Variants in TBC1D9B observed in about 807,000 individuals in gnomAD.
TBC1D9B encodes TBC1 domain family member 9B, also known as TBC1 domain family, member 9B (with GRAM domain).
Under a neutral mutation model 121.1 loss-of-function variants are expected in TBC1D9B, and 87 were observed. The ratio of observed to expected loss-of-function variants is 0.72; its 90% CI spans 0.60 to 0.86. The LOEUF is 0.86. Ranked by LOEUF, TBC1D9B falls within the 40% of genes least tolerant of loss-of-function variation. The pLI is 0.00. For synonymous variants in TBC1D9B, 668 were observed against 670.1 expected (o/e 1.00, Z 0.05); for missense variants, 1,540 against 1,628.6 (o/e 0.95, Z 0.94).
intron 10 of TBC1D9B, among the ~76,000 whole-genome samples, chr5:179,877,070 CAAA>C (rs58537646): frequency 8.8e-5 from 3 of 34,126 alleles, no homozygotes; most frequent in East Asian, 1.0e-3. Context: ...GATCCTGTCT[CAAA>C]AAAAAAAAAA....
At position 179,891,181 on chromosome 5, in the gene TBC1D9B, G is replaced by C. The variant is rs537783432; in HGVS notation, c.1044+198C>G. ...ACCATGTTACCTGCCTCCCCAACAGGGCAGGTGCCTGTGGAGGGGCTCACT... is the reference window on the plus strand; with the variant it reads ...ACCATGTTACCTGCCTCCCCAACAGCGCAGGTGCCTGTGGAGGGGCTCACT... On this transcript the variant is annotated intron_variant, in intron 6 of 20. Coordinates refer to ENST00000355235, the MANE Select transcript of TBC1D9B (RefSeq NM_015043.4). This position sits in a 1 kb window ranked among gnomAD's most constrained non-coding sequence, Gnocchi z 4.3. Among the ~76,000 whole-genome samples the C allele has an allele frequency of 6.6e-6, 1 of 152,322 alleles. No individual in the cohort carries two copies. The highest frequency in any genetic ancestry group is 2.4e-5 in the African/African-American group (1 of 41,572).
intron 16 of TBC1D9B, 55 bp from the exon 17 acceptor site, chr5:179,869,889 C>T (rs1760137906): frequency 4.7e-6 from 7 of 1,489,324 alleles, no homozygotes; most frequent in Non-Finnish European, 6.3e-6. Context: ...AGAGCCCCTT[C>T]CAGGGGGTCC....
intron 2 of TBC1D9B, 60 bp from the exon 3 acceptor site, chr5:179,899,367 A>G: frequency 6.9e-7 from 1 of 1,441,230 alleles, no homozygotes. Flanking sequence ...TTAAACGCAC[A>G]TTCAAAGAAG....
At position 179,875,203 on chromosome 5, in the gene TBC1D9B, G is replaced by C. The variant is rs546249216; in HGVS notation, c.1901-16C>G. The C allele has an allele frequency of 6.8e-6, 11 of 1,609,686 alleles. No homozygotes were observed. Among genetic ancestry groups the C allele is most frequent in the Admixed American group, 1.7e-5 (1 of 59,952 alleles). On this transcript the variant is annotated splice_polypyrimidine_tract_variant and intron_variant, in intron 11 of 20. Coordinates refer to ENST00000355235, the MANE Select transcript of TBC1D9B (RefSeq NM_015043.4). This position sits in a 1 kb window ranked among gnomAD's most constrained non-coding sequence, Gnocchi z 4.5. ...ACCAGGGCTCCTGCGGGCAGGATGA[G>C]CGAGGCTGATGGTGAGCCCACCCTG...
intron 7 of TBC1D9B, among the ~76,000 whole-genome samples, chr5:179,886,764 T>G (rs1009893988): frequency 6.6e-5 from 10 of 152,240 alleles, no homozygotes; most frequent in Admixed American, 5.9e-4. Context: ...GCTGGATCTG[T>G]GAATTTGCAT....
At chr5:179,894,035 T>A (rs1760946693) in intron 4 of TBC1D9B, among the ~76,000 whole-genome samples, 1 of 152,122 alleles carries the variant, frequency 6.6e-6, no homozygotes, top group Non-Finnish European at 1.5e-5. Context: ...GGGAGGAACC[T>A]GCAGCAGATG....
In TBC1D9B at chr5:179,897,236, C is replaced by T. The variant is rs956185381; in HGVS notation, c.348+1953G>A. 2.6e-5 allele frequency among the ~76,000 whole-genome samples: 4 copies of T among 151,914 alleles called. No homozygotes were observed. The East Asian group carries it at 7.8e-4, about 30-fold the overall frequency. On this transcript the variant is annotated intron_variant, in intron 3 of 20. Coordinates refer to ENST00000355235, the MANE Select transcript of TBC1D9B (RefSeq NM_015043.4). Reference sequence around the variant, plus strand: ...CTTCCTTCTTTTGTAAGACTGAAGGCTTTAAATTTCCTTCTGTGTATTGCT... The same window carrying T: ...CTTCCTTCTTTTGTAAGACTGAAGGTTTTAAATTTCCTTCTGTGTATTGCT...
chr5:179,898,505 G>A (rs1042765656), intron 3 of TBC1D9B, among the ~76,000 whole-genome samples: 2 of 150,990 alleles, frequency 1.3e-5, no homozygotes, highest in South Asian at 2.1e-4. Flanking sequence ...CTGGTGTGCA[G>A]TGGCACGATC....
intron 18 of TBC1D9B, 159 bp downstream of exon 18, chr5:179,867,619 G>A: frequency 6.8e-7 from 1 of 1,476,618 alleles, no homozygotes; most frequent in Non-Finnish European, 9.3e-7. Flanking sequence ...GCCCCCGCCA[G>A]CATGGCAGAG....
chr5:179,866,689 T>G (rs1162943695), intron 18 of TBC1D9B: 3 of 152,360 alleles, frequency 2.0e-5, no homozygotes, highest in Non-Finnish European at 2.9e-5. Flanking sequence ...TAGAGTGGCC[T>G]GCTGGTTCCA....
At position 179,881,681 on chromosome 5, in the gene TBC1D9B, T is replaced by C. The variant is rs574169112; in HGVS notation, c.1255-1892A>G. ...GAAAGAGATGCTTAATCTCACTGTCTCCTTTCCCCCTTTCAAGTTTTTTTC... is the reference window on the plus strand; with the variant it reads ...GAAAGAGATGCTTAATCTCACTGTCCCCTTTCCCCCTTTCAAGTTTTTTTC... On this transcript the variant is annotated intron_variant, in intron 7 of 20. Transcript: ENST00000355235. Among the ~76,000 whole-genome samples the C allele has an allele frequency of 2.0e-5, 3 of 152,346 alleles. No individual in the cohort carries two copies. The South Asian group carries it at 6.2e-4, about 32-fold the overall frequency.
Position 179,889,179 on chromosome 5 carries a change from A to G in TBC1D9B, c.1045-867T>C, listed in dbSNP as rs562404559. ...CAAGTAGCTGGGACCACAGGTGCCC[A>G]CCACCACGCCCGGCTAATTTTTTGT... On this transcript the variant is annotated intron_variant, in intron 6 of 20. Transcript: ENST00000355235. Among the ~76,000 whole-genome samples the G allele has an allele frequency of 7.9e-3, 1,202 of 152,008 alleles. 17 individuals carry two copies. The highest frequency in any genetic ancestry group is 0.028 in the African/African-American group (1,144 of 41,434).
chr5:179,879,834 C>T lies in TBC1D9B; in HGVS notation c.1255-45G>A, dbSNP rs755528752. The T allele has an allele frequency of 4.8e-5, 75 of 1,548,920 alleles. 1 individual carries two copies. The South Asian group carries it at 8.1e-4, about 17-fold the overall frequency. On this transcript the variant is annotated intron_variant, in intron 7 of 20. Transcript: ENST00000355235. ...AGGGGACGCCCTAACAACTGTGCTG[C>T]CAGGTGGCCTCTGATGCGCCCATCC...
In TBC1D9B at chr5:179,878,308, C is replaced by T. The variant is rs753972286; in HGVS notation, c.1782+1G>A. 2 of 1,610,940 alleles carry T rather than the reference C, an allele frequency of 1.2e-6. No homozygotes were observed. Among genetic ancestry groups the T allele is most frequent in the South Asian group, 1.1e-5 (1 of 90,472 alleles). On this transcript the variant is annotated splice_donor_variant, in intron 10 of 20. Coordinates refer to ENST00000355235, the MANE Select transcript of TBC1D9B (RefSeq NM_015043.4). LOFTEE classifies it high-confidence loss of function. Reference sequence around the variant, plus strand: ...CTCTGGGCCCCTGTCAGGCCCCTTACCTGGCAGTAGCCGATGGTGGGGTTT... The same window carrying T: ...CTCTGGGCCCCTGTCAGGCCCCTTATCTGGCAGTAGCCGATGGTGGGGTTT...
At position 179,865,922 on chromosome 5, in the gene TBC1D9B, A is replaced by G. The variant is rs1455524072; in HGVS notation, c.2864-34T>C. The G allele has an allele frequency of 3.1e-6, 5 of 1,613,528 alleles. No homozygotes were observed. The highest frequency in any genetic ancestry group is 4.2e-6 in the Non-Finnish European group (5 of 1,179,532). Reference sequence around the variant, plus strand: ...ACGCAAAAATAAAAAGAACATGAATAACATTCTGCTGTTGGGACTGCAAGC... The same window carrying G: ...ACGCAAAAATAAAAAGAACATGAATGACATTCTGCTGTTGGGACTGCAAGC... On this transcript the variant is annotated intron_variant, in intron 18 of 20. Coordinates refer to ENST00000355235, the MANE Select transcript of TBC1D9B (RefSeq NM_015043.4). This position sits in a 1 kb window ranked among gnomAD's most constrained non-coding sequence, Gnocchi z 5.1.
In TBC1D9B at chr5:179,874,758, C is replaced by T. The variant is rs1041248032; in HGVS notation, c.2186+144G>A. On this transcript the variant is annotated intron_variant, in intron 12 of 20. Coordinates refer to ENST00000355235, the MANE Select transcript of TBC1D9B (RefSeq NM_015043.4). The surrounding 1 kb of genome is among the most constrained non-coding windows in gnomAD (Gnocchi z 4.3). ...TTCATCTCCCACTAGAAAGGAGCCGCCTCCTGACCCCAGAGCACCCCCGGG... is the reference window on the plus strand; with the variant it reads ...TTCATCTCCCACTAGAAAGGAGCCGTCTCCTGACCCCAGAGCACCCCCGGG... 1.6e-4 allele frequency: 188 copies of T among 1,208,886 alleles called. No homozygotes were observed. Among genetic ancestry groups the T allele is most frequent in the Non-Finnish European group, 1.9e-4 (169 of 885,392 alleles). 74.9% of individuals were successfully genotyped at this position (1,208,886 alleles called of 1,614,324 possible). A position where few individuals can be genotyped will look rare whatever the true frequency, so the allele number is the denominator to read the frequency against.
rs867410862 is a variant in TBC1D9B, at chr5:179,875,805, C to T, written c.1900+115G>A. ...ACCACCGAATGTGTAATACTACCCT[C>T]TAACTCCTAGGGAACCCACGTGAAG... On this transcript the variant is annotated intron_variant, in intron 11 of 20. Transcript: ENST00000355235. The surrounding 1 kb of genome is among the most constrained non-coding windows in gnomAD (Gnocchi z 4.5). The T allele has an allele frequency of 3.9e-6, 3 of 761,534 alleles. No homozygotes were observed. Among genetic ancestry groups the T allele is most frequent in the East Asian group, 3.0e-5 (1 of 32,952 alleles). 47.2% of individuals were successfully genotyped at this position (761,534 alleles called of 1,614,324 possible).
intron 10 of TBC1D9B, among the ~76,000 whole-genome samples, chr5:179,877,825 G>A (rs570103088): frequency 5.9e-5 from 9 of 152,334 alleles, no homozygotes; most frequent in African/African-American, 2.2e-4. Context: ...CAAATACTGT[G>A]TTATTTCACT....
chr5:179,899,694 C>A (rs1409363812), intron 2 of TBC1D9B, among the ~76,000 whole-genome samples: 3 of 152,184 alleles, frequency 2.0e-5, no homozygotes, highest in Non-Finnish European at 4.4e-5. Context: ...GGTGATTAAT[C>A]AGACACAGTC....
Sources: allele counts gnomAD v4.1 joint callset (sites outside exome capture counted in the v4.1 genomes callset), GRCh38; gene constraint gnomAD v4.1.1; non-coding constraint Gnocchi (gnomAD v3.1); transcripts MANE v1.5; gene names NCBI Gene and HGNC (gene_info 2026-07-23, HGNC 2026-07-21).